Variants in PARD3B observed in about 807,000 individuals in gnomAD.
The protein encoded by PARD3B is partitioning defective 3 homolog B.
Under a neutral mutation model 130.2 loss-of-function variants are expected in PARD3B, and 103 were observed. The observed-to-expected ratio is 0.79, with a 90% CI of 0.67 to 0.93. The LOEUF (loss-of-function observed/expected upper bound fraction) is 0.93, where lower values mean the gene tolerates loss of function less well. Among genes scored for constraint, PARD3B ranks in the 40% least tolerant of loss-of-function variants. The pLI is 0.00. For synonymous variants in PARD3B, 583 were observed against 553.2 expected, an observed-to-expected ratio of 1.05 and a Z score of -0.76; for missense variants, 1,609 against 1,499.2, an observed-to-expected ratio of 1.07 and a Z score of -1.21.
intron 2 of PARD3B, among the ~76,000 whole-genome samples, chr2:204,766,942 G>A (rs1326007262): frequency 7.1e-6 from 1 of 141,276 alleles, no homozygotes; most frequent in Non-Finnish European, 1.6e-5. Flanking sequence ...TCTGCTCTCT[G>A]CTGTTTCTTG....
At chr2:205,317,159 A>T (rs2105951795) in intron 18 of PARD3B, among the ~76,000 whole-genome samples, 1 of 152,348 alleles carries the variant, frequency 6.6e-6, no homozygotes, top group South Asian at 2.1e-4. Context: ...AACCACTTGC[A>T]GTGTACTCAG....
At chr2:205,192,908 T>C (rs909203229) in intron 14 of PARD3B, among the ~76,000 whole-genome samples, 1 of 152,182 alleles carries the variant, frequency 6.6e-6, no homozygotes, top group African/African-American at 2.4e-5. Flanking sequence ...CAGGCCCTCT[T>C]TACCCACTTA....
intron 19 of PARD3B, among the ~76,000 whole-genome samples, chr2:205,412,273 A>G (rs1206821516): frequency 6.6e-6 from 1 of 152,114 alleles, no homozygotes; most frequent in East Asian, 1.9e-4. Flanking sequence ...AGCATCTCAT[A>G]TTGAGAGTTA....
At chr2:205,579,984 G>C (rs1017687258) in intron 22 of PARD3B, among the ~76,000 whole-genome samples, 2 of 152,162 alleles carry the variant, frequency 1.3e-5, no homozygotes, top group African/African-American at 4.8e-5. Flanking sequence ...GGGGAATAAA[G>C]TCTAAGTCAT....
chr2:204,755,555 C>T (rs1027697752), intron 2 of PARD3B, among the ~76,000 whole-genome samples: 3 of 152,118 alleles, frequency 2.0e-5, no homozygotes, highest in Non-Finnish European at 4.4e-5. Flanking sequence ...ACACATCACA[C>T]ATTAGTAGCC....
chr2:205,347,972 C>G (rs2043854618), intron 18 of PARD3B: 1 of 152,170 alleles, frequency 6.6e-6, no homozygotes, highest in South Asian at 2.1e-4. Context: ...GGCAGAGAGC[C>G]CTCAATCACA....
chr2:205,491,413 G>A (rs2049704604), intron 20 of PARD3B, among the ~76,000 whole-genome samples: 1 of 152,138 alleles, frequency 6.6e-6, no homozygotes, highest in Non-Finnish European at 1.5e-5. Flanking sequence ...AGATCAGATG[G>A]TTGTAGATAT....
intron 18 of PARD3B, among the ~76,000 whole-genome samples, chr2:205,365,398 GA>G (rs2044568668): frequency 6.7e-6 from 1 of 148,792 alleles, no homozygotes; most frequent in Non-Finnish European, 1.5e-5. Flanking sequence ...AAAAAAGAAA[GA>G]AAAGAAAATC....
Position 205,229,814 on chromosome 2 carries a change from A to G in PARD3B, c.2141-15964A>G, listed in dbSNP as rs1000330436. Among the ~76,000 whole-genome samples, 4 of 152,036 alleles carry G rather than the reference A, an allele frequency of 2.6e-5. No homozygotes were observed. Among genetic ancestry groups the G allele is most frequent in the African/African-American group, 7.2e-5 (3 of 41,420 alleles). On this transcript the variant is annotated intron_variant, in intron 15 of 22. Transcript: ENST00000406610. This position sits in a 1 kb window ranked among gnomAD's most constrained non-coding sequence, Gnocchi z 5.2. Reference sequence around the variant, plus strand: ...CGTCCAGGAGCCAGGGCCTAGAGTCAGAAACCTTAGATGTCTACCTGGTGC... The same window carrying G: ...CGTCCAGGAGCCAGGGCCTAGAGTCGGAAACCTTAGATGTCTACCTGGTGC...
intron 15 of PARD3B, among the ~76,000 whole-genome samples, chr2:205,195,841 C>A (rs1184765774): frequency 2.8e-5 from 4 of 141,258 alleles, no homozygotes; most frequent in African/African-American, 5.2e-5. Flanking sequence ...AAAAAAAAAA[C>A]CTTCTATTTG....
chr2:205,579,264 C>G (rs976301293), intron 22 of PARD3B, among the ~76,000 whole-genome samples: 2 of 152,134 alleles, frequency 1.3e-5, no homozygotes, highest in African/African-American at 4.8e-5. Flanking sequence ...ATAGAAAACC[C>G]TGAGTGGCCC....
At chr2:205,080,833 A>T (rs909859953) in intron 4 of PARD3B, among the ~76,000 whole-genome samples, 1 of 152,118 alleles carries the variant, frequency 6.6e-6, no homozygotes, top group African/African-American at 2.4e-5. Context: ...TGGGTATTTT[A>T]TGGTATAAAA....
intron 2 of PARD3B, among the ~76,000 whole-genome samples, chr2:204,719,019 T>G (rs539592999): frequency 6.6e-6 from 1 of 152,158 alleles, no homozygotes; most frequent in Non-Finnish European, 1.5e-5. Flanking sequence ...AAATACACAT[T>G]GGGAGAAGTT....
chr2:205,472,144 G>T (rs890385560), intron 20 of PARD3B, among the ~76,000 whole-genome samples: 1 of 152,132 alleles, frequency 6.6e-6, no homozygotes. Flanking sequence ...AATGCATATT[G>T]TTATTCTCTG....
intron 4 of PARD3B, among the ~76,000 whole-genome samples, chr2:205,049,866 C>T (rs1015827186): frequency 2.0e-5 from 3 of 152,154 alleles, no homozygotes; most frequent in Non-Finnish European, 4.4e-5. Context: ...TTCTTCCTTT[C>T]CTCATAGTGT....
chr2:205,272,961 A>G (rs751628320), intron 16 of PARD3B, among the ~76,000 whole-genome samples: 1 of 152,232 alleles, frequency 6.6e-6, no homozygotes, highest in Non-Finnish European at 1.5e-5. Context: ...CATAAACAAT[A>G]AGTAGTTATA....
rs190017533 is a variant in PARD3B, at chr2:205,449,027, G to A, written c.3044+8355G>A. Among the ~76,000 whole-genome samples the A allele has an allele frequency of 9.6e-3, 1,460 of 151,854 alleles. 21 individuals carry two copies. The highest frequency in any genetic ancestry group is 0.032 in the African/African-American group (1,338 of 41,446). On this transcript the variant is annotated intron_variant, in intron 20 of 22. Coordinates refer to ENST00000406610, the MANE Select transcript of PARD3B (RefSeq NM_001302769.2). ...ACTAAAAATACAAAATTAGCTGGGCGTGGTGGCCCATGCCTGTAATCCCAG... is the reference window on the plus strand; with the variant it reads ...ACTAAAAATACAAAATTAGCTGGGCATGGTGGCCCATGCCTGTAATCCCAG...
chr2:205,221,752 G>T (rs908654592), intron 15 of PARD3B, among the ~76,000 whole-genome samples: 1 of 151,794 alleles, frequency 6.6e-6, no homozygotes, highest in Non-Finnish European at 1.5e-5. Flanking sequence ...GTCTGTCTCC[G>T]TCTCTGTCTT....
At chr2:204,814,564 T>C (rs1202386285) in intron 2 of PARD3B, among the ~76,000 whole-genome samples, 1 of 151,970 alleles carries the variant, frequency 6.6e-6, no homozygotes, top group Non-Finnish European at 1.5e-5. Context: ...TTTTTTTAAC[T>C]TACCTTATTT....
Sources: allele counts gnomAD v4.1 joint callset (sites outside exome capture counted in the v4.1 genomes callset), GRCh38; gene constraint gnomAD v4.1.1; non-coding constraint Gnocchi (gnomAD v3.1); transcripts MANE v1.5; gene names NCBI Gene and HGNC (gene_info 2026-07-23, HGNC 2026-07-21).